Variants in EPAS1 observed in about 807,000 individuals in gnomAD.
EPAS1 encodes the protein endothelial PAS domain-containing protein 1.
In EPAS1, 23 loss-of-function variants were observed where a neutral mutation model predicts 87.9. The observed-to-expected ratio is 0.26, with a 90% CI of 0.19 to 0.37. The LOEUF (loss-of-function observed/expected upper bound fraction) is 0.37. Among genes scored for constraint, EPAS1 ranks in the 10% least tolerant of loss-of-function variants. The pLI, the probability that EPAS1 is intolerant of heterozygous loss-of-function variation, is 1.00. For synonymous variants in EPAS1, 508 were observed against 444.3 expected, an observed-to-expected ratio of 1.14 and a Z score of -1.80; for missense variants, 1,138 against 1,120.7, an observed-to-expected ratio of 1.02 and a Z score of -0.22.
intron 1 of EPAS1, among the ~76,000 whole-genome samples, chr2:46,333,750 G>T (rs899376409): frequency 5.3e-5 from 8 of 151,924 alleles, no homozygotes; most frequent in South Asian, 2.1e-4. Flanking sequence ...ATTTTAAAAT[G>T]GGGGAGCGAC....
intron 4 of EPAS1, among the ~76,000 whole-genome samples, chr2:46,359,634 T>G (rs775900912): frequency 5.3e-5 from 8 of 152,194 alleles, no homozygotes; most frequent in African/African-American, 1.9e-4. Context: ...CTTTGACACA[T>G]AACTCTTCAG....
At chr2:46,336,942 G>A (rs1683804251) in intron 1 of EPAS1, among the ~76,000 whole-genome samples, 1 of 152,234 alleles carries the variant, frequency 6.6e-6, no homozygotes. Context: ...TTGATTCACA[G>A]AGGTGACAAA....
chr2:46,376,569 C>T lies in EPAS1; in HGVS notation c.1065C>T (p.Ser355=), dbSNP rs1390688454. ...TTGAGAAGAATGACGTGGTGTTCTC[C>T]ATGGACCAGACTGAATCCCTGTTCA... ...SEIEKNDVVF[S]MDQTESLFKP... The change falls in exon 9 of 16, where the codon TCC becomes TCT. Residue 355 remains serine, a synonymous_variant. Transcript: ENST00000263734. The T allele has an allele frequency of 1.9e-6, 3 of 1,614,050 alleles. No homozygotes were observed. In the African/African-American group the frequency reaches 4.0e-5, roughly 22 times the overall value.
At chr2:46,309,237 C>T (rs151298434) in intron 1 of EPAS1, among the ~76,000 whole-genome samples, 103 of 152,360 alleles carry the variant, frequency 6.8e-4, no homozygotes, top group African/African-American at 2.4e-3. Flanking sequence ...TTGTGGGAAT[C>T]ATCACTGTGT....
chr2:46,307,130 C>G (rs370903444), intron 1 of EPAS1, among the ~76,000 whole-genome samples: 6 of 152,338 alleles, frequency 3.9e-5, no homozygotes, highest in African/African-American at 1.4e-4. Flanking sequence ...GTATTTCTCT[C>G]CTGTGTTTCC....
chr2:46,322,246 C>T (rs1264061658), intron 1 of EPAS1, among the ~76,000 whole-genome samples: 1 of 152,170 alleles, frequency 6.6e-6, no homozygotes, highest in African/African-American at 2.4e-5. Context: ...CCGCTAGGTT[C>T]TTATGCTGGC....
At chr2:46,352,227 C>A (rs1167214245) in intron 2 of EPAS1, among the ~76,000 whole-genome samples, 3 of 152,298 alleles carry the variant, frequency 2.0e-5, no homozygotes, top group African/African-American at 4.8e-5. Context: ...CTACTCTGGG[C>A]TCCTCACTTT....
At chr2:46,318,131 T>C (rs887844168) in intron 1 of EPAS1, among the ~76,000 whole-genome samples, 2 of 151,980 alleles carry the variant, frequency 1.3e-5, no homozygotes, top group African/African-American at 4.8e-5. Context: ...CTAATTTCAA[T>C]ATTGTTGTGT....
chr2:46,382,555 C>T lies in EPAS1; in HGVS notation c.2418C>T (p.Thr806=). ...GGTTCCCCCCACAGTGCTACGCCAC[C>T]CAGTACCAGGACTACAGCCTGTCGT... The part of the protein sequence containing the change: ...KSRFPPQCYA[T]QYQDYSLSSA... The change falls in exon 15 of 16, where the codon ACC becomes ACT. Residue 806 remains threonine, a synonymous_variant. Coordinates refer to ENST00000263734, the MANE Select transcript of EPAS1 (RefSeq NM_001430.5). 6.2e-7 allele frequency: 1 copy of T among 1,614,164 alleles called. No individual in the cohort carries two copies. The highest frequency in any genetic ancestry group is 8.5e-7 in the Non-Finnish European group (1 of 1,180,046).
At position 46,297,826 on chromosome 2, in the gene EPAS1, C is replaced by T. The variant is rs886056083; in HGVS notation, c.-86C>T. The T allele has an allele frequency of 1.2e-5, 19 of 1,550,454 alleles. No individual in the cohort carries two copies. In the East Asian group the frequency reaches 4.1e-4, roughly 34 times the overall value. ...GGACCTTCACCACCCGCCCGGGCCGCGGGGAGCGGACGAGGGCCACAGCCC... is the reference window on the plus strand; with the variant it reads ...GGACCTTCACCACCCGCCCGGGCCGTGGGGAGCGGACGAGGGCCACAGCCC... On this transcript the variant is annotated 5_prime_UTR_variant, in exon 1 of 16. Transcript: ENST00000263734.
chr2:46,361,051 G>A lies in EPAS1; in HGVS notation c.740G>A (p.Arg247His), dbSNP rs148453283. The change falls in exon 6 of 16, where the codon CGC (arginine) becomes CAC (histidine). Residue 247 changes from arginine (R) to histidine (H), a missense_variant. Arg to His is a conservative substitution (Grantham distance 29, BLOSUM62 0). Transcript: ENST00000263734. ...CTGGATAGCAAGACCTTCCTGAGCC[G>A]CCACAGCATGGACATGAAGTTCACC... ...IPLDSKTFLSRHSMDMKFTYC... is the reference protein window; with the variant it reads ...IPLDSKTFLSHHSMDMKFTYC... 306 of 1,613,994 alleles carry A rather than the reference G, an allele frequency of 1.9e-4. No homozygotes were observed. Among genetic ancestry groups the A allele is most frequent in the Non-Finnish European group, 2.4e-4 (278 of 1,180,036 alleles).
At chr2:46,321,231 C>T (rs1038382332) in intron 1 of EPAS1, among the ~76,000 whole-genome samples, 8 of 152,154 alleles carry the variant, frequency 5.3e-5, no homozygotes, top group Non-Finnish European at 1.0e-4. Context: ...TTTTTAAGGC[C>T]GAATAATATC....
intron 13 of EPAS1, 72 bp downstream of exon 13, chr2:46,381,794 GGGATGT>G: frequency 1.2e-6 from 2 of 1,603,336 alleles, no homozygotes; most frequent in Non-Finnish European, 1.7e-6. Flanking sequence ...GAGAGGGGTG[GGGATGT>G]GGCCCTTCCA....
At chr2:46,319,232 G>A (rs1477729786) in intron 1 of EPAS1, among the ~76,000 whole-genome samples, 1 of 152,180 alleles carries the variant, frequency 6.6e-6, no homozygotes, top group Admixed American at 6.5e-5. Context: ...TCCAGGGCTG[G>A]GCCAGACCTT....
intron 1 of EPAS1, among the ~76,000 whole-genome samples, chr2:46,302,223 T>A (rs1363603454): frequency 6.7e-6 from 1 of 149,640 alleles, no homozygotes; most frequent in Non-Finnish European, 1.5e-5. Context: ...TGTTTAGAAA[T>A]GGAAGGAAAC....
intron 1 of EPAS1, among the ~76,000 whole-genome samples, chr2:46,303,130 G>A (rs1683044606): frequency 6.6e-6 from 1 of 152,144 alleles, no homozygotes; most frequent in South Asian, 2.1e-4. Flanking sequence ...CTTTTCTGTA[G>A]AAATCTAATA....
chr2:46,374,275 T>C (rs11681242), intron 7 of EPAS1, among the ~76,000 whole-genome samples: 1 of 152,020 alleles, frequency 6.6e-6, no homozygotes, highest in Non-Finnish European at 1.5e-5. Context: ...GGAGACTCTC[T>C]GTCTACCGAG....
intron 1 of EPAS1, among the ~76,000 whole-genome samples, chr2:46,299,321 T>C (rs901680128): frequency 6.6e-5 from 10 of 152,068 alleles, no homozygotes; most frequent in Non-Finnish European, 1.3e-4. Flanking sequence ...TGGGCCCTGC[T>C]CCCCTTTCCT....
In EPAS1 at chr2:46,316,963, G is replaced by A. The variant is rs1476407429; in HGVS notation, c.26+19026G>A. 2.6e-5 allele frequency among the ~76,000 whole-genome samples: 4 copies of A among 152,172 alleles called. No homozygotes were observed. In the East Asian group the frequency reaches 5.8e-4, roughly 22 times the overall value. Reference sequence around the variant, plus strand: ...AGTGTTCACACCATCTTTACCAGGAGCAAATTCCATCTTGAGAAGCCACTT... The same window carrying A: ...AGTGTTCACACCATCTTTACCAGGAACAAATTCCATCTTGAGAAGCCACTT... On this transcript the variant is annotated intron_variant, in intron 1 of 15. Coordinates refer to ENST00000263734, the MANE Select transcript of EPAS1 (RefSeq NM_001430.5).
Sources: gnomAD v4.1 joint callset for allele counts (sites outside exome capture counted in the v4.1 genomes callset) on GRCh38, gnomAD v4.1.1 for gene constraint, MANE v1.5 for transcripts, NCBI Gene and HGNC (gene_info 2026-07-23, HGNC 2026-07-21) for gene names.